Variants in KAZN observed in about 807,000 individuals in gnomAD.
The protein encoded by KAZN is kazrin, periplakin interacting protein.
Under a neutral mutation model 87.4 loss-of-function variants are expected in KAZN, and 40 were observed. The ratio of observed to expected loss-of-function variants is 0.46; its 90% CI spans 0.36 to 0.60. KAZN has a LOEUF of 0.60. Among genes scored for constraint, KAZN ranks in the 20% least tolerant of loss-of-function variants. The pLI is 0.00. For synonymous variants in KAZN, 466 were observed against 458.3 expected (o/e 1.02, Z -0.22); for missense variants, 898 against 1,073.9 (o/e 0.84, Z 2.29).
At chr1:14,280,873 G>C (rs1338069132) in intron 2 of KAZN, among the ~76,000 whole-genome samples, 2 of 152,168 alleles carry the variant, frequency 1.3e-5, no homozygotes, top group Non-Finnish European at 2.9e-5. Context: ...ACTCTAAAAG[G>C]CAGGTACTGT....
At chr1:14,247,804 T>C (rs548525226) in intron 2 of KAZN, among the ~76,000 whole-genome samples, 3 of 152,160 alleles carry the variant, frequency 2.0e-5, no homozygotes, top group East Asian at 3.9e-4. Flanking sequence ...GCAGAATAAC[T>C]GCTCATCCTT....
chr1:14,918,837 G>A (rs1382703052), intron 1 of KAZN, among the ~76,000 whole-genome samples: 3 of 150,900 alleles, frequency 2.0e-5, no homozygotes, highest in Admixed American at 6.6e-5. Context: ...CAAGTTGGCA[G>A]CAGCTCCACC....
intron 1 of KAZN, among the ~76,000 whole-genome samples, chr1:14,161,969 T>C (rs1485663498): frequency 6.6e-6 from 1 of 152,242 alleles, no homozygotes; most frequent in East Asian, 1.9e-4. Context: ...ATAACTGCTA[T>C]AGTTACACTT....
In KAZN at chr1:14,773,315, A is replaced by G. The variant is rs1645073820; in HGVS notation, c.226+174092A>G. ...CAGTGGTGGCCTGGCGTATGAGAAG[A>G]CCACCCCCCACCCAATCCACCTCCC... On this transcript the variant is annotated intron_variant, in intron 1 of 14. Transcript: ENST00000376030. This position sits in a 1 kb window ranked among gnomAD's most constrained non-coding sequence, Gnocchi z 5.9. Among the ~76,000 whole-genome samples, 1 of 151,928 alleles carries G rather than the reference A, an allele frequency of 6.6e-6. No individual in the cohort carries two copies. The highest frequency in any genetic ancestry group is 2.1e-4 in the South Asian group (1 of 4,810).
intron 2 of KAZN, among the ~76,000 whole-genome samples, chr1:14,439,773 G>C (rs1666595203): frequency 2.0e-5 from 3 of 152,152 alleles, no homozygotes. Flanking sequence ...ATAACGCTTT[G>C]ACCTTTTCTT....
chr1:14,539,544 A>G (rs1672690862), intron 2 of KAZN, among the ~76,000 whole-genome samples: 1 of 152,196 alleles, frequency 6.6e-6, no homozygotes, highest in South Asian at 2.1e-4. Flanking sequence ...TCTCTCTGCA[A>G]CTTTTCTGTA....
At chr1:14,134,456 T>G (rs1022826991) in intron 1 of KAZN, among the ~76,000 whole-genome samples, 20 of 152,184 alleles carry the variant, frequency 1.3e-4, no homozygotes, top group Non-Finnish European at 2.2e-4. Flanking sequence ...ACTACTACTA[T>G]TCTGAAATCA....
intron 1 of KAZN, among the ~76,000 whole-genome samples, chr1:14,094,064 G>A (rs973634947): frequency 8.5e-5 from 13 of 152,072 alleles, no homozygotes; most frequent in Non-Finnish European, 1.5e-4. Context: ...TAGGTATTAC[G>A]GGTGGCTTTG....
intron 1 of KAZN, among the ~76,000 whole-genome samples, chr1:14,884,432 A>G (rs1653820411): frequency 6.6e-6 from 1 of 152,060 alleles, no homozygotes; most frequent in East Asian, 1.9e-4. Flanking sequence ...CAAAAACATC[A>G]TTTTCTACCG....
At chr1:14,655,434 C>T (rs1177745500) in intron 1 of KAZN, among the ~76,000 whole-genome samples, 1 of 152,064 alleles carries the variant, frequency 6.6e-6, no homozygotes, top group Admixed American at 6.5e-5. Context: ...CTTTCTTGTC[C>T]CTTTGATAAT....
At chr1:14,001,034 A>G (rs10803446) in intron 1 of KAZN, among the ~76,000 whole-genome samples, 21,760 of 151,448 alleles carry the variant, frequency 0.14, 1,671 homozygotes, top group Middle Eastern at 0.22. Flanking sequence ...CGCCCGCCTC[A>G]GCCTCCCAAA....
chr1:14,851,459 G>A (rs1033476241), intron 1 of KAZN, among the ~76,000 whole-genome samples: 8 of 152,222 alleles, frequency 5.3e-5, no homozygotes, highest in African/African-American at 1.9e-4. Flanking sequence ...CCTGTCCCAA[G>A]GACCAACCCT....
intron 2 of KAZN, among the ~76,000 whole-genome samples, chr1:14,367,203 G>A (rs1047842087): frequency 3.3e-5 from 5 of 152,134 alleles, no homozygotes; most frequent in East Asian, 1.9e-4. Context: ...CACTCCAGCC[G>A]AGGTGACAGA....
intron 1 of KAZN, among the ~76,000 whole-genome samples, chr1:14,757,156 G>T (rs574614696): frequency 6.6e-6 from 1 of 152,284 alleles, no homozygotes; most frequent in South Asian, 2.1e-4. Flanking sequence ...ACCTAGCCTT[G>T]TTCTTCTGCT....
chr1:14,468,368 T>C (rs559128726), intron 2 of KAZN, among the ~76,000 whole-genome samples: 1 of 152,290 alleles, frequency 6.6e-6, no homozygotes, highest in Admixed American at 6.5e-5. Flanking sequence ...CCCCTTTATA[T>C]ACCCGGTCTT....
At chr1:13,922,514 T>A (rs576358064) in intron 1 of KAZN, among the ~76,000 whole-genome samples, 1 of 152,206 alleles carries the variant, frequency 6.6e-6, no homozygotes, top group Non-Finnish European at 1.5e-5. Context: ...GAGAAGGGTT[T>A]ATTTGGGGCT....
intron 8 of KAZN, among the ~76,000 whole-genome samples, chr1:15,076,072 C>G (rs1000348651): frequency 1.1e-4 from 17 of 152,166 alleles, no homozygotes; most frequent in Non-Finnish European, 2.9e-5. Context: ...CGGTGTGGAG[C>G]CTGTGGCCAG....
At chr1:14,349,018 T>A (rs1658321517) in intron 2 of KAZN, 1 of 152,362 alleles carries the variant, frequency 6.6e-6, no homozygotes, top group African/African-American at 2.4e-5. Context: ...GTTGAGCTTT[T>A]GGCTGTGCTG....
intron 2 of KAZN, among the ~76,000 whole-genome samples, chr1:14,362,308 G>A (rs767168403): frequency 4.6e-5 from 7 of 152,298 alleles, no homozygotes; most frequent in South Asian, 2.1e-4. Flanking sequence ...GGCTGTTGAC[G>A]AGAGTCTGTC....
Sources: allele counts gnomAD v4.1 joint callset (sites outside exome capture counted in the v4.1 genomes callset), GRCh38; gene constraint gnomAD v4.1.1; non-coding constraint Gnocchi (gnomAD v3.1); transcripts MANE v1.5; gene names NCBI Gene and HGNC (gene_info 2026-07-23, HGNC 2026-07-21).